The following SIN3B variants were observed in gnomAD, a reference collection of about 807,000 sequenced individuals.
SIN3B encodes paired amphipathic helix protein Sin3b.
Under a neutral mutation model 120.2 loss-of-function variants are expected in SIN3B, and 19 were observed. The ratio of observed to expected loss-of-function variants is 0.16; its 90% CI spans 0.11 to 0.23. The LOEUF (loss-of-function observed/expected upper bound fraction) is 0.23. SIN3B is among the 10% of genes least tolerant of loss of function. The pLI is 1.00. For synonymous variants in SIN3B, 654 were observed against 653.2 expected (o/e 1.00, Z -0.02); for missense variants, 1,073 against 1,573.0 (o/e 0.68, Z 5.38).
intron 4 of SIN3B, among the ~76,000 whole-genome samples, chr19:16,844,961 G>A (rs930484510): frequency 2.0e-5 from 3 of 152,144 alleles, no homozygotes; most frequent in East Asian, 1.9e-4. Flanking sequence ...GGGTGCTGGC[G>A]TGGTTTTGCA....
At chr19:16,842,405 C>CT (rs764926291) in intron 4 of SIN3B, among the ~76,000 whole-genome samples, 3,908 of 126,864 alleles carry the variant, frequency 0.031, 208 homozygotes, top group African/African-American at 0.095. Context: ...GCCCAGCCAC[C>CT]TTTTTTTTTT....
chr19:16,840,131 C>T (rs1322215084), intron 3 of SIN3B, among the ~76,000 whole-genome samples: 1 of 152,146 alleles, frequency 6.6e-6, no homozygotes, highest in Admixed American at 6.5e-5. Context: ...TTGTTCTGGG[C>T]AGAATTGTGT....
chr19:16,875,017 TTGGTC>T (rs2051570766), intron 14 of SIN3B, among the ~76,000 whole-genome samples: 2 of 151,678 alleles, frequency 1.3e-5, no homozygotes, highest in East Asian at 3.9e-4. Flanking sequence ...AGGTTTTGGT[TTGGTC>T]TGGTTTGGTC....
chr19:16,842,498 C>T (rs1971431097), intron 4 of SIN3B, among the ~76,000 whole-genome samples: 2 of 151,806 alleles, frequency 1.3e-5, no homozygotes, highest in African/African-American at 4.8e-5. Flanking sequence ...CCTTGACCTC[C>T]TGGGCTCAAG....
chr19:16,871,536 A>G (rs1388231103), intron 14 of SIN3B, 138 bp downstream of exon 14: 3 of 752,084 alleles, frequency 4.0e-6, no homozygotes, highest in Admixed American at 3.1e-5. Context: ...CAAAATTCGC[A>G]TAACGTAAAA....
chr19:16,849,277 G>A (rs1310389800), intron 5 of SIN3B, among the ~76,000 whole-genome samples: 1 of 152,206 alleles, frequency 6.6e-6, no homozygotes, highest in East Asian at 1.9e-4. Context: ...CAGATAGTAA[G>A]TATCACAGGC....
intron 8 of SIN3B, among the ~76,000 whole-genome samples, chr19:16,861,869 AG>A (rs1377783164): frequency 6.6e-6 from 1 of 151,738 alleles, no homozygotes; most frequent in Non-Finnish European, 1.5e-5. Context: ...CACGAGTTTG[AG>A]GTTGCAGTAA....
chr19:16,833,308 TATTA>T (rs1394128541), intron 3 of SIN3B, among the ~76,000 whole-genome samples: 1 of 152,176 alleles, frequency 6.6e-6, no homozygotes, highest in African/African-American at 2.4e-5. Flanking sequence ...AGTGCTTTTG[TATTA>T]ATTCCATGTG....
Position 16,878,808 on chromosome 19 carries a change from T to C in SIN3B, c.*81T>C. ...CTTGGTCGTGTCGGGGCCGTTTTCT[T>C]GAACGACGTGAGAGGCATCTCCCAG... On this transcript the variant is annotated 3_prime_UTR_variant, in exon 19 of 19. Coordinates refer to ENST00000248054, the MANE Select transcript of SIN3B (RefSeq NM_001297595.2). 8.1e-7 allele frequency: 1 copy of C among 1,239,128 alleles called. No homozygotes were observed. 76.8% of individuals were successfully genotyped at this position (1,239,128 alleles called of 1,614,324 possible). A position where few individuals can be genotyped will look rare whatever the true frequency, so the allele number is the denominator to read the frequency against.
intron 3 of SIN3B, among the ~76,000 whole-genome samples, chr19:16,835,685 A>G (rs1198923360): frequency 6.6e-6 from 1 of 151,498 alleles, no homozygotes; most frequent in Admixed American, 6.6e-5. Flanking sequence ...ACACCCAGCT[A>G]ATTTTTGTAT....
At chr19:16,833,511 A>C (rs1971305904) in intron 3 of SIN3B, among the ~76,000 whole-genome samples, 2 of 151,848 alleles carry the variant, frequency 1.3e-5, no homozygotes, top group South Asian at 4.2e-4. Context: ...GCATGCCTGT[A>C]ATCCCAGCTA....
rs2051668024 is a variant in SIN3B, at chr19:16,879,661, C to CA, written c.*935dup. The stretch of plus-strand genomic sequence containing the variant: ...GAGCCGCCCTGACAGTCCCAGCCGC[C>CA]ACCCAAGGAGCCCCATCCGCCCACC... On this transcript the variant is annotated 3_prime_UTR_variant, in exon 19 of 19. Transcript: ENST00000248054. 1 of 152,294 alleles carries CA rather than the reference C, an allele frequency of 6.6e-6. No homozygotes were observed. The highest frequency in any genetic ancestry group is 1.5e-5 in the Non-Finnish European group (1 of 68,116). The allele number at this position is 152,294 out of a possible 1,614,324, so 9.4% of individuals were successfully genotyped here.
intron 4 of SIN3B, among the ~76,000 whole-genome samples, chr19:16,845,616 G>C (rs771324891): frequency 2.0e-5 from 3 of 152,164 alleles, no homozygotes; most frequent in Non-Finnish European, 4.4e-5. Context: ...CACCCTCATC[G>C]GAAATCCTAG....
At chr19:16,845,464 G>A (rs1971467392) in intron 4 of SIN3B, among the ~76,000 whole-genome samples, 1 of 152,036 alleles carries the variant, frequency 6.6e-6, no homozygotes. Flanking sequence ...GTAGAGATAG[G>A]GTTTCACCAT....
chr19:16,871,224 C>A lies in SIN3B; in HGVS notation c.2423-5C>A. On this transcript the variant is annotated splice_polypyrimidine_tract_variant and splice_region_variant and intron_variant, in intron 13 of 18. Transcript: ENST00000248054. ...GCATATGGATGAGGCGGTGTGTCTC[C>A]GCAGGTGAAGTGGAGCTGGAGGAGT... 6.2e-7 allele frequency: 1 copy of A among 1,614,074 alleles called. No individual in the cohort carries two copies. The highest frequency in any genetic ancestry group is 8.5e-7 in the Non-Finnish European group (1 of 1,179,964).
intron 8 of SIN3B, chr19:16,854,596 G>A (rs371111561): frequency 4.6e-4 from 94 of 205,128 alleles, no homozygotes; most frequent in African/African-American, 2.0e-3. Context: ...GAGTTTGCAC[G>A]TTCTCCCCAT....
intron 8 of SIN3B, among the ~76,000 whole-genome samples, chr19:16,857,553 GTATA>G (rs1555742155): frequency 3.0e-4 from 42 of 139,546 alleles, no homozygotes; most frequent in African/African-American, 1.0e-3. Flanking sequence ...GTGTGTGTGT[GTATA>G]TATACACATA....
chr19:16,854,092 A>G (rs750626439), intron 7 of SIN3B, 51 bp from the exon 8 acceptor site: 1 of 1,429,490 alleles, frequency 7.0e-7, no homozygotes, highest in South Asian at 1.2e-5. Context: ...AGCCAGGCCC[A>G]GAGGCTGAGG....
chr19:16,866,285 A>G, intron 11 of SIN3B, 88 bp from the exon 12 acceptor site: 6 of 1,351,802 alleles, frequency 4.4e-6, no homozygotes, highest in Non-Finnish European at 6.1e-6. Flanking sequence ...CCCCCAGTCA[A>G]GTCCCAGAGG....
Sources: gnomAD v4.1 joint callset for allele counts (sites outside exome capture counted in the v4.1 genomes callset) on GRCh38, gnomAD v4.1.1 for gene constraint, MANE v1.5 for transcripts, NCBI Gene and HGNC (gene_info 2026-07-23, HGNC 2026-07-21) for gene names.